GRIA2: variants seen among roughly 807,000 people sequenced by gnomAD.
GRIA2 encodes the protein glutamate receptor 2.
GRIA2 carries 14 observed loss-of-function variants against 97.3 expected under a neutral mutation model. That is an observed-to-expected ratio of 0.14 (90% CI 0.10 to 0.23). The LOEUF (loss-of-function observed/expected upper bound fraction) is 0.23, where lower values mean the gene tolerates loss of function less well. Ranked by LOEUF, GRIA2 falls within the 10% of genes least tolerant of loss-of-function variation. The pLI is 1.00. For missense variants in GRIA2, 558 were observed against 1,069.8 expected, an observed-to-expected ratio of 0.52 and a Z score of 6.67; for synonymous variants, 412 against 387.8, an observed-to-expected ratio of 1.06 and a Z score of -0.73.
intron 14 of GRIA2, chr4:157,362,487 A>T (rs766251747): frequency 2.0e-6 from 1 of 495,158 alleles, no homozygotes; most frequent in Non-Finnish European, 3.9e-6. Context: ...TTCCCACGGT[A>T]ATGGAATATA....
intron 2 of GRIA2, among the ~76,000 whole-genome samples, chr4:157,274,359 C>CT (rs1321392223): frequency 4.0e-5 from 6 of 150,956 alleles, no homozygotes; most frequent in African/African-American, 1.5e-4. Flanking sequence ...CCTTTTATTT[C>CT]TTTTTTCTTT....
intron 2 of GRIA2, among the ~76,000 whole-genome samples, chr4:157,241,484 T>C (rs1730508369): frequency 6.6e-6 from 1 of 152,124 alleles, no homozygotes; most frequent in African/African-American, 2.4e-5. Context: ...GTAGAGGACT[T>C]GCCTCTCTCC....
chr4:157,264,905 A>G (rs969586180), intron 2 of GRIA2, among the ~76,000 whole-genome samples: 11 of 152,120 alleles, frequency 7.2e-5, no homozygotes, highest in African/African-American at 2.4e-4. Flanking sequence ...ACCCACACAC[A>G]CATGTACTAT....
At chr4:157,336,304 T>C in intron 10 of GRIA2, 73 bp from the exon 11 acceptor site, 1 of 1,185,808 alleles carries the variant, frequency 8.4e-7, no homozygotes, top group Non-Finnish European at 1.2e-6. Flanking sequence ...TTTTCTTTGA[T>C]CCAGTGACAT....
At chr4:157,230,842 TC>T (rs1172452618) in intron 2 of GRIA2, among the ~76,000 whole-genome samples, 3 of 151,840 alleles carry the variant, frequency 2.0e-5, no homozygotes, top group African/African-American at 7.3e-5. Flanking sequence ...TGATTTTTTT[TC>T]CTTTTATTTT....
chr4:157,243,937 A>G (rs1458470753), intron 2 of GRIA2, among the ~76,000 whole-genome samples: 3 of 152,060 alleles, frequency 2.0e-5, no homozygotes, highest in African/African-American at 7.2e-5. Context: ...TAGAAAAAAA[A>G]GCAGAAAAAA....
chr4:157,255,398 TTATTTTCCTTTGGG>T (rs2126752460), intron 2 of GRIA2, among the ~76,000 whole-genome samples: 1 of 152,150 alleles, frequency 6.6e-6, no homozygotes, highest in East Asian at 1.9e-4. Flanking sequence ...ATATAATAAT[TTATTTTCCTTTGGG>T]TATATGCCCA....
chr4:157,287,527 T>C (rs1732899269), intron 2 of GRIA2, among the ~76,000 whole-genome samples: 1 of 151,584 alleles, frequency 6.6e-6, no homozygotes, highest in African/African-American at 2.4e-5. Context: ...AGCATATGTG[T>C]TTATTTGCTT....
chr4:157,234,304 ATAGTTTTCTC>A (rs1325690445), intron 2 of GRIA2, among the ~76,000 whole-genome samples: 1 of 152,094 alleles, frequency 6.6e-6, no homozygotes, highest in African/African-American at 2.4e-5. Context: ...AAGGTAGCTA[ATAGTTTTCTC>A]TATGTAATTT....
chr4:157,292,705 A>G (rs1733159792), intron 2 of GRIA2, among the ~76,000 whole-genome samples: 1 of 152,128 alleles, frequency 6.6e-6, no homozygotes, highest in South Asian at 2.1e-4. Context: ...AACTATAAAA[A>G]TAGATGCACT....
rs772189197 is a variant in GRIA2, at chr4:157,267,391, C to CAA, written c.230-36140_230-36139dup. Reference sequence around the variant, plus strand: ...TGGGTGACAGAGTGAGACTCCATCTCAAAAAAAAAAAAAAAAAAAAAAGTT... The same window carrying CAA: ...TGGGTGACAGAGTGAGACTCCATCTCAAAAAAAAAAAAAAAAAAAAAAAAGTT... On this transcript the variant is annotated intron_variant, in intron 2 of 15. Coordinates refer to ENST00000264426, the MANE Select transcript of GRIA2 (RefSeq NM_001083619.3). 4.9e-3 allele frequency among the ~76,000 whole-genome samples: 252 copies of CAA among 51,006 alleles called. 2 individuals are homozygous for CAA. Among genetic ancestry groups the CAA allele is most frequent in the Non-Finnish European group, 6.2e-3 (151 of 24,448 alleles). The allele number at this position is 51,006 out of a possible 152,430, so 33.5% of individuals were successfully genotyped here.
At chr4:157,236,183 A>T (rs988039094) in intron 2 of GRIA2, among the ~76,000 whole-genome samples, 1 of 152,192 alleles carries the variant, frequency 6.6e-6, no homozygotes. Context: ...ACATGCAGAA[A>T]ATTTTAATTT....
intron 2 of GRIA2, among the ~76,000 whole-genome samples, chr4:157,297,620 A>G (rs532909578): frequency 6.6e-6 from 1 of 152,240 alleles, no homozygotes; most frequent in South Asian, 2.1e-4. Flanking sequence ...ATTCAAACCC[A>G]GTTTGTTCTC....
intron 2 of GRIA2, among the ~76,000 whole-genome samples, chr4:157,275,650 G>A (rs1423722061): frequency 6.6e-6 from 1 of 151,998 alleles, no homozygotes; most frequent in South Asian, 2.1e-4. Context: ...TCTTGTTTTT[G>A]TCAGGCTTGT....
At chr4:157,265,396 G>A (rs1300416893) in intron 2 of GRIA2, among the ~76,000 whole-genome samples, 2 of 152,256 alleles carry the variant, frequency 1.3e-5, no homozygotes, top group Admixed American at 6.6e-5. Flanking sequence ...GTTTTGCCAT[G>A]TGTAAATTCA....
intron 2 of GRIA2, among the ~76,000 whole-genome samples, chr4:157,278,353 C>T (rs973635944): frequency 7.2e-5 from 11 of 151,738 alleles, no homozygotes; most frequent in African/African-American, 2.4e-4. Context: ...GACAAAGAAA[C>T]AAAGACAATA....
rs779571597 is a variant in GRIA2, at chr4:157,220,836, G to T, written c.-207G>T. ...GCCAGTCCTCCGGACTTCTGGAGCGGGGACAGGGCGCAGGGCATCAGCAGC... is the reference window on the plus strand; with the variant it reads ...GCCAGTCCTCCGGACTTCTGGAGCGTGGACAGGGCGCAGGGCATCAGCAGC... On this transcript the variant is annotated 5_prime_UTR_variant, in exon 1 of 16. Coordinates refer to ENST00000264426, the MANE Select transcript of GRIA2 (RefSeq NM_001083619.3). 212 of 578,670 alleles carry T rather than the reference G, an allele frequency of 3.7e-4. No homozygotes were observed. In the Middle Eastern group the frequency reaches 8.6e-3, roughly 23 times the overall value. The allele number at this position is 578,670 out of a possible 1,614,324, so 35.8% of individuals were successfully genotyped here. A position where few individuals can be genotyped will look rare whatever the true frequency, so the allele number is the denominator to read the frequency against.
Position 157,332,920 on chromosome 4 carries a change from A to G in GRIA2, c.984A>G (p.Gly328=), listed in dbSNP as rs747218196. ...AAATCTCCCGAAGGGGGAATGCAGG[A>G]GACTGTCTGGCAAACCCAGCAGTGC... ...RIEISRRGNA[G]DCLANPAVPW... Residue 328 remains glycine, a synonymous_variant, in exon 7 of 16, where the codon GGA becomes GGG. Coordinates refer to ENST00000264426, the MANE Select transcript of GRIA2 (RefSeq NM_001083619.3). 5.6e-6 allele frequency: 9 copies of G among 1,612,588 alleles called. No individual in the cohort carries two copies. In the East Asian group the frequency reaches 6.7e-5, roughly 12 times the overall value.
chr4:157,224,300 T>C (rs958233581), intron 2 of GRIA2, among the ~76,000 whole-genome samples: 1 of 152,172 alleles, frequency 6.6e-6, no homozygotes, highest in African/African-American at 2.4e-5. Flanking sequence ...AACATGATAA[T>C]TCAAAAGCAT....
Sources: gnomAD v4.1 joint callset for allele counts (sites outside exome capture counted in the v4.1 genomes callset) on GRCh38, gnomAD v4.1.1 for gene constraint, MANE v1.5 for transcripts, NCBI Gene and HGNC (gene_info 2026-07-23, HGNC 2026-07-21) for gene names.